MYLK: variants seen among roughly 807,000 people sequenced by gnomAD.
MYLK encodes the protein myosin light chain kinase.
A neutral mutation model predicts 203.4 loss-of-function variants in MYLK; 106 were observed. The observed-to-expected ratio is 0.52, with a 90% CI of 0.45 to 0.61. The LOEUF is 0.61. Among genes scored for constraint, MYLK ranks in the 20% least tolerant of loss-of-function variants. The pLI, the probability that MYLK is intolerant of heterozygous loss-of-function variation, is 0.00. For synonymous variants in MYLK, 867 were observed against 959.5 expected (o/e 0.90, Z 1.78); for missense variants, 2,072 against 2,442.3 (o/e 0.85, Z 3.20).
chr3:123,739,170 G>T, intron 6 of MYLK, 108 bp from the exon 7 acceptor site: 1 of 1,284,606 alleles, frequency 7.8e-7, no homozygotes, highest in Non-Finnish European at 1.1e-6. Flanking sequence ...CCATCAAAGT[G>T]TAGCCTTCCC....
intron 4 of MYLK, among the ~76,000 whole-genome samples, chr3:123,760,800 G>A (rs1576880126): frequency 6.6e-6 from 1 of 152,220 alleles, no homozygotes; most frequent in South Asian, 2.1e-4. Context: ...TGGTTGAATT[G>A]GCTTATTATT....
intron 16 of MYLK, among the ~76,000 whole-genome samples, chr3:123,702,184 G>A (rs2061262971): frequency 1.3e-5 from 2 of 152,190 alleles, no homozygotes; most frequent in South Asian, 4.1e-4. Flanking sequence ...GCTCAGGGGA[G>A]GGGCTGTACC....
chr3:123,878,011 C>T (rs1334221067), intron 1 of MYLK, among the ~76,000 whole-genome samples: 2 of 152,194 alleles, frequency 1.3e-5, no homozygotes, highest in African/African-American at 4.8e-5. Context: ...TGGAGTGGCA[C>T]ACAGCAAATC....
chr3:123,611,688 A>G lies in MYLK; in HGVS notation c.*2417T>C, dbSNP rs1485066685. ...TTGTAATAATATATTTTATTATAAT[A>G]TAAAATAAGTATACAACTCATCATA... On this transcript the variant is annotated 3_prime_UTR_variant, in exon 34 of 34. Transcript: ENST00000360304. The G allele has an allele frequency of 6.5e-6, 1 of 154,518 alleles. No individual in the cohort carries two copies. The highest frequency in any genetic ancestry group is 1.4e-5 in the Non-Finnish European group (1 of 70,024). 9.6% of individuals were successfully genotyped at this position (154,518 alleles called of 1,614,324 possible).
intron 23 of MYLK, among the ~76,000 whole-genome samples, chr3:123,658,810 T>C (rs2108284405): frequency 6.6e-6 from 1 of 152,350 alleles, no homozygotes; most frequent in Non-Finnish European, 1.5e-5. Flanking sequence ...TGCATGTATA[T>C]ACATGTGTAT....
chr3:123,883,082 C>A (rs2033644715), intron 1 of MYLK, among the ~76,000 whole-genome samples: 1 of 152,186 alleles, frequency 6.6e-6, no homozygotes, highest in Non-Finnish European at 1.5e-5. Flanking sequence ...CCTCCTAAGC[C>A]CACCATCTGG....
chr3:123,621,695 C>T (rs2057869163), intron 31 of MYLK: 1 of 152,270 alleles, frequency 6.6e-6, no homozygotes, highest in Admixed American at 6.5e-5. Context: ...CTCCTGCCAT[C>T]CTTGCTGCAG....
chr3:123,732,519 T>C (rs1453853413), intron 11 of MYLK, among the ~76,000 whole-genome samples: 2 of 152,140 alleles, frequency 1.3e-5, no homozygotes, highest in African/African-American at 4.8e-5. Flanking sequence ...ACAATAAACA[T>C]AAAAGATGTG....
intron 24 of MYLK, among the ~76,000 whole-genome samples, chr3:123,654,278 T>C (rs1257168514): frequency 6.6e-6 from 1 of 152,210 alleles, no homozygotes; most frequent in Non-Finnish European, 1.5e-5. Context: ...CCTAACTTTC[T>C]TTCTTTCTGG....
chr3:123,863,109 C>A lies in MYLK; in HGVS notation c.-127+13450G>T, dbSNP rs76896246. ...AGCTCTGTCTCAGTTTCTTCCTCTG[C>A]AAGAGAATAAAAACAGTACCTAACA... On this transcript the variant is annotated intron_variant, in intron 2 of 33. Coordinates refer to ENST00000360304, the MANE Select transcript of MYLK (RefSeq NM_053025.4). Among the ~76,000 whole-genome samples the A allele has an allele frequency of 6.9e-3, 1,044 of 152,238 alleles. 17 individuals are homozygous for A. Among genetic ancestry groups the A allele is most frequent in the African/African-American group, 0.024 (1,011 of 41,534 alleles).
intron 19 of MYLK, among the ~76,000 whole-genome samples, 193 bp from the exon 20 acceptor site, chr3:123,682,503 C>T (rs1205542803): frequency 6.6e-6 from 1 of 152,248 alleles, no homozygotes; most frequent in Non-Finnish European, 1.5e-5. Flanking sequence ...AAGGACCGTC[C>T]ACTACCCTGG....
At position 123,612,336 on chromosome 3, in the gene MYLK, A is replaced by T. The variant is rs1049235694; in HGVS notation, c.*1769T>A. 2.6e-5 allele frequency: 4 copies of T among 152,682 alleles called. No individual in the cohort carries two copies. The highest frequency in any genetic ancestry group is 4.4e-5 in the Non-Finnish European group (3 of 68,044). 9.5% of individuals were successfully genotyped at this position (152,682 alleles called of 1,614,324 possible). The stretch of plus-strand genomic sequence containing the variant: ...GCACTGTGGTATCCTTTATTTAAAA[A>T]TTGTGAGCTGACTACAGTTGTAGTG... On this transcript the variant is annotated 3_prime_UTR_variant, in exon 34 of 34. Transcript: ENST00000360304.
At chr3:123,779,387 T>C (rs1403029882) in intron 4 of MYLK, among the ~76,000 whole-genome samples, 1 of 152,214 alleles carries the variant, frequency 6.6e-6, no homozygotes, top group Non-Finnish European at 1.5e-5. Context: ...TTGATTTGAT[T>C]TTCCTTGCCT....
At position 123,820,676 on chromosome 3, in the gene MYLK, TTCCTTCCTTCCC is replaced by T. The variant is rs1380278933; in HGVS notation, c.-4+10860_-4+10871del. Among the ~76,000 whole-genome samples, 4 of 144,238 alleles carry T rather than the reference TTCCTTCCTTCCC, an allele frequency of 2.8e-5. No homozygotes were observed. The Admixed American group carries it at 2.8e-4, about 10-fold the overall frequency. 94.6% of individuals were successfully genotyped at this position (144,238 alleles called of 152,430 possible). On this transcript the variant is annotated intron_variant, in intron 3 of 33. Transcript: ENST00000360304. ...CTTCCTTCCTTCCCTCCTTCCTTCCTTCCTTCCTTCCCTCCTTCCTTCCTTCCTTCCTTCTTT... is the reference window on the plus strand; with the variant it reads ...CTTCCTTCCTTCCCTCCTTCCTTCCTTCCTTCCTTCCTTCCTTCCTTCTTT...
At chr3:123,628,001 C>T (rs1438044361) in intron 30 of MYLK, among the ~76,000 whole-genome samples, 1 of 152,194 alleles carries the variant, frequency 6.6e-6, no homozygotes, top group African/African-American at 2.4e-5. Context: ...CAAAAGCCAT[C>T]CTTGTACCAG....
At chr3:123,692,365 G>A (rs962064739) in intron 19 of MYLK, 59 of 1,174,018 alleles carry the variant, frequency 5.0e-5, no homozygotes, top group Non-Finnish European at 6.0e-5. Flanking sequence ...CTGCCAGCTC[G>A]GACACTTGTT....
At chr3:123,627,033 T>A (rs545060417) in intron 30 of MYLK, 92 bp from the exon 31 acceptor site, 50 of 1,475,322 alleles carry the variant, frequency 3.4e-5, no homozygotes, top group Middle Eastern at 2.3e-4. Context: ...CTGTCCCTGG[T>A]CATGAGGGCA....
intron 4 of MYLK, 118 bp downstream of exon 4, chr3:123,793,559 G>A (rs914704787): frequency 8.5e-7 from 1 of 1,173,994 alleles, no homozygotes; most frequent in South Asian, 1.5e-5. Flanking sequence ...TTACATGAAG[G>A]TCCAAAAGAA....
intron 4 of MYLK, among the ~76,000 whole-genome samples, chr3:123,764,292 A>G (rs968179765): frequency 2.6e-5 from 4 of 152,160 alleles, no homozygotes; most frequent in African/African-American, 9.7e-5. Context: ...TTTTTCCTGT[A>G]TGTAAGTGAG....
Sources: allele counts gnomAD v4.1 joint callset (sites outside exome capture counted in the v4.1 genomes callset), GRCh38; gene constraint gnomAD v4.1.1; transcripts MANE v1.5; gene names NCBI Gene and HGNC (gene_info 2026-07-23, HGNC 2026-07-21).